SLC44A1: variants seen among roughly 807,000 people sequenced by gnomAD.
SLC44A1 encodes choline transporter-like protein 1.
Under a neutral mutation model 79.3 loss-of-function variants are expected in SLC44A1, and 26 were observed. The observed-to-expected ratio is 0.33, with a 90% CI of 0.24 to 0.46. SLC44A1 has a LOEUF of 0.46. Ranked by LOEUF, SLC44A1 falls within the 20% of genes least tolerant of loss-of-function variation. The probability of loss-of-function intolerance (pLI) is 1.00; values close to 1 mark genes in which losing one functional copy is unlikely to be tolerated. For synonymous variants in SLC44A1, 263 were observed against 286.2 expected, an observed-to-expected ratio of 0.92 and a Z score of 0.82; for missense variants, 688 against 798.1, an observed-to-expected ratio of 0.86 and a Z score of 1.66.
intron 1 of SLC44A1, among the ~76,000 whole-genome samples, chr9:105,263,971 T>C (rs1408927708): frequency 6.6e-6 from 1 of 152,132 alleles, no homozygotes; most frequent in Non-Finnish European, 1.5e-5. Flanking sequence ...CCCCTATATA[T>C]CTTTAATATG....
intron 15 of SLC44A1, chr9:105,386,264 C>T: frequency 1.0e-6 from 1 of 969,504 alleles, no homozygotes; most frequent in Non-Finnish European, 1.2e-6. Flanking sequence ...GTCACTATAG[C>T]ATAGAAACAG....
At chr9:105,307,484 A>C (rs969168900) in intron 2 of SLC44A1, among the ~76,000 whole-genome samples, 3 of 152,136 alleles carry the variant, frequency 2.0e-5, no homozygotes, top group Admixed American at 2.0e-4. Context: ...TGTCTACTAA[A>C]GATACAAAAA....
intron 1 of SLC44A1, among the ~76,000 whole-genome samples, chr9:105,249,599 A>G (rs1829533265): frequency 6.7e-6 from 1 of 150,216 alleles, no homozygotes; most frequent in Admixed American, 6.7e-5. Flanking sequence ...ATCTCGGTTC[A>G]CTGCAACCTC....
intron 15 of SLC44A1, among the ~76,000 whole-genome samples, chr9:105,387,054 A>ATATATAT (rs1288535198): frequency 1.1e-3 from 2 of 1,834 alleles, no homozygotes; most frequent in Non-Finnish European, 3.2e-3. Context: ...AAAAAAAAAA[A>ATATATAT]AAAAAAATAT....
At position 105,362,856 on chromosome 9, in the gene SLC44A1, A is replaced by G. The variant is rs748663384; in HGVS notation, c.936A>G (p.Lys312=). Residue 312 remains lysine (K), a synonymous_variant, in exon 9 of 16, where the codon AAA becomes AAG. Coordinates refer to ENST00000374720, the MANE Select transcript of SLC44A1 (RefSeq NM_080546.5). ...TCCTGATAATGTTGGTTATGCGCAAACGTGTTGCTCTTACCATCGCCTTGT... is the reference window on the plus strand; with the variant it reads ...TCCTGATAATGTTGGTTATGCGCAAGCGTGTTGCTCTTACCATCGCCTTGT... The part of the protein sequence containing the change: ...ILFLIMLVMR[K]RVALTIALFH... 5.5e-5 allele frequency: 88 copies of G among 1,610,728 alleles called. No homozygotes were observed. In the African/African-American group the frequency reaches 1.1e-3, roughly 20 times the overall value.
intron 15 of SLC44A1, among the ~76,000 whole-genome samples, chr9:105,436,968 A>T (rs938707995): frequency 2.0e-5 from 3 of 152,158 alleles, no homozygotes; most frequent in Admixed American, 1.3e-4. Flanking sequence ...GAACTATTTC[A>T]TACCCCCTTC....
chr9:105,321,245 G>A (rs1365382869), intron 3 of SLC44A1, among the ~76,000 whole-genome samples: 1 of 151,972 alleles, frequency 6.6e-6, no homozygotes, highest in Non-Finnish European at 1.5e-5. Flanking sequence ...TTTGATTATG[G>A]TGTGAAGAAA....
At position 105,355,163 on chromosome 9, in the gene SLC44A1, A is replaced by G. The variant is rs142148664; in HGVS notation, c.501-1049A>G. Among the ~76,000 whole-genome samples the G allele has an allele frequency of 1.7e-3, 256 of 152,394 alleles. 1 individual carries two copies. The highest frequency in any genetic ancestry group is 5.8e-3 in the African/African-American group (243 of 41,602). On this transcript the variant is annotated intron_variant, in intron 5 of 15. Coordinates refer to ENST00000374720, the MANE Select transcript of SLC44A1 (RefSeq NM_080546.5). ...TAAGTGTGTATTTATGCATGGACATACATATGGCTCTCATAGAATCCGAGT... is the reference window on the plus strand; with the variant it reads ...TAAGTGTGTATTTATGCATGGACATGCATATGGCTCTCATAGAATCCGAGT...
At chr9:105,318,232 T>C (rs1464436958) in intron 3 of SLC44A1, among the ~76,000 whole-genome samples, 1 of 144,262 alleles carries the variant, frequency 6.9e-6, no homozygotes, top group Non-Finnish European at 1.5e-5. Flanking sequence ...CAGGCTGGAG[T>C]GCAATGGGCA....
At chr9:105,364,213 T>C (rs1337222206) in intron 9 of SLC44A1, among the ~76,000 whole-genome samples, 2 of 152,236 alleles carry the variant, frequency 1.3e-5, no homozygotes, top group Non-Finnish European at 1.5e-5. Context: ...TTCTGTACTT[T>C]GCTAAGAAAT....
intron 1 of SLC44A1, among the ~76,000 whole-genome samples, chr9:105,260,672 A>T (rs1424428073): frequency 6.6e-6 from 1 of 152,228 alleles, no homozygotes; most frequent in African/African-American, 2.4e-5. Context: ...GATATTAGGT[A>T]GGGTAAATGA....
Position 105,358,334 on chromosome 9 carries a change from T to A in SLC44A1, c.671-10T>A. The A allele has an allele frequency of 7.0e-7, 1 of 1,418,854 alleles. No homozygotes were observed. Among genetic ancestry groups the A allele is most frequent in the Non-Finnish European group, 9.9e-7 (1 of 1,007,114 alleles). The allele number at this position is 1,418,854 out of a possible 1,614,324, so 87.9% of individuals were successfully genotyped here. ...AATAATATTCTATATGTTCTCTATC[T>A]TCCCTGCAGTTCTATCCATGATTTT... On this transcript the variant is annotated splice_polypyrimidine_tract_variant and intron_variant, in intron 6 of 15. Transcript: ENST00000374720.
At chr9:105,384,829 A>C (rs754788211) in intron 14 of SLC44A1, among the ~76,000 whole-genome samples, 1 of 152,210 alleles carries the variant, frequency 6.6e-6, no homozygotes, top group African/African-American at 2.4e-5. Flanking sequence ...CTTTGGGCAC[A>C]TTCCCATTTC....
chr9:105,260,923 T>C (rs543978806), intron 1 of SLC44A1, among the ~76,000 whole-genome samples: 34 of 152,306 alleles, frequency 2.2e-4, no homozygotes, highest in African/African-American at 7.7e-4. Flanking sequence ...AAGCAAATAA[T>C]AGATCCTCAA....
intron 1 of SLC44A1, among the ~76,000 whole-genome samples, chr9:105,290,424 A>G (rs1830576779): frequency 6.6e-6 from 1 of 152,272 alleles, no homozygotes; most frequent in Non-Finnish European, 1.5e-5. Context: ...ATTTTAAATT[A>G]TAAAGGTTGC....
At chr9:105,353,545 C>T (rs1827518243) in intron 5 of SLC44A1, among the ~76,000 whole-genome samples, 1 of 152,096 alleles carries the variant, frequency 6.6e-6, no homozygotes, top group Non-Finnish European at 1.5e-5. Context: ...TTACAGAGTG[C>T]TTACTCCTAC....
intron 15 of SLC44A1, among the ~76,000 whole-genome samples, chr9:105,411,718 A>T (rs754498593): frequency 6.6e-6 from 1 of 152,040 alleles, no homozygotes; most frequent in Non-Finnish European, 1.5e-5. Flanking sequence ...ATGACCTTCA[A>T]TTTCGGTTTG....
Position 105,396,751 on chromosome 9 carries a change from T to G in SLC44A1, c.*7695T>G, listed in dbSNP as rs547769693. 1 of 985,354 alleles carries G rather than the reference T, an allele frequency of 1.0e-6. No homozygotes were observed. The highest frequency in any genetic ancestry group is 6.1e-5 in the Admixed American group (1 of 16,274). 61.0% of individuals were successfully genotyped at this position (985,354 alleles called of 1,614,324 possible). ...TTTTTTTTTGCCATTTGCATCCTAT[T>G]TCATAGTGCCAAAATGAATTTTTGT... On this transcript the variant is annotated 3_prime_UTR_variant, in exon 16 of 16. Transcript: ENST00000374720.
intron 1 of SLC44A1, among the ~76,000 whole-genome samples, chr9:105,251,931 G>T (rs939764460): frequency 1.3e-5 from 2 of 152,138 alleles, no homozygotes; most frequent in Non-Finnish European, 1.5e-5. Context: ...TCTAGACTAG[G>T]TGGCGGCAAA....
Sources: gnomAD v4.1 joint callset for allele counts (sites outside exome capture counted in the v4.1 genomes callset) on GRCh38, gnomAD v4.1.1 for gene constraint, MANE v1.5 for transcripts, NCBI Gene and HGNC (gene_info 2026-07-23, HGNC 2026-07-21) for gene names.